The following KBTBD7 variants were observed in gnomAD, a reference collection of about 807,000 sequenced individuals.
KBTBD7 encodes the protein kelch repeat and BTB domain-containing protein 7.
In KBTBD7, 25 loss-of-function variants were observed where a neutral mutation model predicts 50.3. The ratio of observed to expected loss-of-function variants is 0.50; its 90% CI spans 0.36 to 0.69. KBTBD7 has a LOEUF of 0.69. KBTBD7 is among the 30% of genes least tolerant of loss of function. The probability of loss-of-function intolerance (pLI) is 0.00; values close to 1 mark genes in which losing one functional copy is unlikely to be tolerated. For synonymous variants in KBTBD7, 305 were observed against 325.3 expected (o/e 0.94, Z 0.67); for missense variants, 653 against 869.5 (o/e 0.75, Z 3.13).
At position 41,193,838 on chromosome 13, in the gene KBTBD7, A is replaced by G. The variant is rs776488778; in HGVS notation, c.420T>C (p.Asn140=). ...CGGAGGCCGCGTACAGGCGCTGCAC[A>G]TTGGCCTCACTGAGAGACACACGAC... is the stretch of plus-strand genomic sequence containing the variant. ...YTGRVSLSEA[N]VQRLYAASDM... is the part of the protein sequence containing the mutation. Residue 140 remains asparagine (N), a synonymous_variant, in exon 1 of 1, where the codon AAT becomes AAC. Transcript: ENST00000379483. The surrounding 1 kb of genome is among the most constrained non-coding windows in gnomAD (Gnocchi z 5.7). 1.0e-4 allele frequency: 165 copies of G among 1,613,974 alleles called. No individual in the cohort carries two copies. Among genetic ancestry groups the G allele is most frequent in the Admixed American group, 2.8e-4 (17 of 60,012 alleles).
rs199688146 is a variant in KBTBD7, at chr13:41,191,556, T to TTC, written c.*646_*647insGA. ...ACAGTGGAATCCTGATTTTTTCTTTTTTTTTTTTTTTTTTTTTACTTTCTG... is the reference window on the plus strand; with the variant it reads ...ACAGTGGAATCCTGATTTTTTCTTTTTCTTTTTTTTTTTTTTTTTACTTTCTG... On this transcript the variant is annotated 3_prime_UTR_variant, in exon 1 of 1. Coordinates refer to ENST00000379483, the MANE Select transcript of KBTBD7 (RefSeq NM_032138.7). 5.4e-3 allele frequency: 788 copies of TTC among 147,072 alleles called. 3 individuals are homozygous for TTC. Among genetic ancestry groups the TTC allele is most frequent in the African/African-American group, 0.019 (756 of 39,842 alleles). 9.1% of individuals were successfully genotyped at this position (147,072 alleles called of 1,614,324 possible). A position where few individuals can be genotyped will look rare whatever the true frequency, so the allele number is the denominator to read the frequency against.
rs1272248871 is a variant in KBTBD7 at position 41,193,353 on chromosome 13, C to T, written c.905G>A (p.Arg302His). 1 of 1,611,564 alleles carries T rather than the reference C, an allele frequency of 6.2e-7. No homozygotes were observed. Among genetic ancestry groups the T allele is most frequent in the South Asian group, 1.1e-5 (1 of 91,022 alleles). Residue 302 changes from arginine (R) to histidine (H), a missense_variant, in exon 1 of 1, where the codon CGC becomes CAC. Coordinates refer to ENST00000379483, the MANE Select transcript of KBTBD7 (RefSeq NM_032138.7). This position sits in a 1 kb window ranked among gnomAD's most constrained non-coding sequence, Gnocchi z 5.7. ...LDVIEGALQM[R>H]YGDLLYKSLV... ...AGACTTGTACAACAGGTCACCATAG[C>T]GCATCTGCAGGGCCCCTTCAATAAC...
rs1360533170 is a variant in KBTBD7 at position 41,191,727 on chromosome 13, A to AGT, written c.*474_*475dup. On this transcript the variant is annotated 3_prime_UTR_variant, in exon 1 of 1. Transcript: ENST00000379483. ...TAACTTAGAATATAAAGAACTGACT[A>AGT]GTGTAAAATTTTGAAAATCTACCAC... 6.6e-6 allele frequency: 1 copy of AGT among 152,380 alleles called. No homozygotes were observed. Among genetic ancestry groups the AGT allele is most frequent in the Non-Finnish European group, 1.5e-5 (1 of 68,276 alleles). The allele number at this position is 152,380 out of a possible 1,614,324, so 9.4% of individuals were successfully genotyped here.
In KBTBD7 at chr13:41,194,230, A is replaced by G; in HGVS notation, c.28T>C (p.Ser10Pro). The change falls in exon 1 of 1, where the codon TCT (serine) becomes CCT (proline). Residue 10 changes from serine (S) to proline (P), a missense_variant. Physicochemically the swap from Ser to Pro is moderately conservative, Grantham distance 74. Coordinates refer to ENST00000379483, the MANE Select transcript of KBTBD7 (RefSeq NM_032138.7). MQSREDVPRSRRLASPRGGR... is the reference protein window; with the variant it reads MQSREDVPRPRRLASPRGGR... ...CCACGGGGACTGGCGAGGCGGCGAG[A>G]GCGCGGGACGTCTTCCCGGGACTGC... 1 of 1,614,046 alleles carries G rather than the reference A, an allele frequency of 6.2e-7. No individual in the cohort carries two copies. Among genetic ancestry groups the G allele is most frequent in the Non-Finnish European group, 8.5e-7 (1 of 1,180,004 alleles).
At position 41,192,044 on chromosome 13, in the gene KBTBD7, G is replaced by A. The variant is rs2031401418; in HGVS notation, c.*159C>T. On this transcript the variant is annotated 3_prime_UTR_variant, in exon 1 of 1. Coordinates refer to ENST00000379483, the MANE Select transcript of KBTBD7 (RefSeq NM_032138.7). ...AGGATGGTAAATTATTAAACAGGTC[G>A]ATTTCATGGACTGTCTAAACCTTGT... 8.4e-6 allele frequency: 5 copies of A among 591,792 alleles called. No homozygotes were observed. The highest frequency in any genetic ancestry group is 4.2e-4 in the Middle Eastern group (1 of 2,374). 36.7% of individuals were successfully genotyped at this position (591,792 alleles called of 1,614,324 possible). A position where few individuals can be genotyped will look rare whatever the true frequency, so the allele number is the denominator to read the frequency against.
chr13:41,194,006 G>T lies in KBTBD7; in HGVS notation c.252C>A (p.Cys84Ter), dbSNP rs1162385525. ...ACGCAGCTGCTAGCACGTTGCGATT[G>T]CAGGAAAAGAGGCGACCCGTGCCAG... ...SGPGTGRLFSCNRNVLAAACP... is the reference protein window; with the variant it reads ...SGPGTGRLFS Residue 84 changes from cysteine to a stop codon, truncating the protein, a stop_gained, in exon 1 of 1, where the codon TGC becomes TGA. Coordinates refer to ENST00000379483, the MANE Select transcript of KBTBD7 (RefSeq NM_032138.7). LOFTEE classifies it high-confidence loss of function. 1 of 1,614,102 alleles carries T rather than the reference G, an allele frequency of 6.2e-7. No individual in the cohort carries two copies. The highest frequency in any genetic ancestry group is 8.5e-7 in the Non-Finnish European group (1 of 1,180,060).
chr13:41,194,409 G>T lies in KBTBD7; in HGVS notation c.-152C>A. The T allele has an allele frequency of 9.8e-7, 1 of 1,015,406 alleles. No individual in the cohort carries two copies. 62.9% of individuals were successfully genotyped at this position (1,015,406 alleles called of 1,614,324 possible). ...CTTCTGAATTCAGCCCTATCCCGCG[G>T]TGAGGCCTCCCTTTATTGCATAGAC... On this transcript the variant is annotated 5_prime_UTR_variant, in exon 1 of 1. Transcript: ENST00000379483.
At position 41,194,358 on chromosome 13, in the gene KBTBD7, T is replaced by A. The variant is rs1043859090; in HGVS notation, c.-101A>T. On this transcript the variant is annotated 5_prime_UTR_variant, in exon 1 of 1. Transcript: ENST00000379483. Reference sequence around the variant, plus strand: ...GCTGACGCTAAGACAAGCCGCGTCCTGGAACAGACTGCGGCACGGGCCGCA... The same window carrying A: ...GCTGACGCTAAGACAAGCCGCGTCCAGGAACAGACTGCGGCACGGGCCGCA... The A allele has an allele frequency of 6.9e-7, 1 of 1,454,138 alleles. No homozygotes were observed. Among genetic ancestry groups the A allele is most frequent in the African/African-American group, 1.4e-5 (1 of 70,274 alleles). 90.1% of individuals were successfully genotyped at this position (1,454,138 alleles called of 1,614,324 possible). A position where few individuals can be genotyped will look rare whatever the true frequency, so the allele number is the denominator to read the frequency against.
chr13:41,193,555 T>G lies in KBTBD7; in HGVS notation c.703A>C (p.Ser235Arg). The change falls in exon 1 of 1, where the codon AGT becomes CGT. Residue 235 changes from serine to arginine, a missense_variant. Ser to Arg is a moderately radical substitution (Grantham distance 110). This residue lies in a region of KBTBD7 where 526 missense variants were observed against 717.1 expected (regional missense o/e 0.73). Coordinates refer to ENST00000379483, the MANE Select transcript of KBTBD7 (RefSeq NM_032138.7). The surrounding 1 kb of genome is among the most constrained non-coding windows in gnomAD (Gnocchi z 5.7). ...VLRLDSLDIE[S>R]ERTVCHVAVQ... ...GCTACATGGCATACAGTCCGCTCAC[T>G]CTCTATGTCCAGACTATCCAGGCGT... 1.2e-6 allele frequency: 2 copies of G among 1,614,140 alleles called. No homozygotes were observed. The highest frequency in any genetic ancestry group is 1.7e-6 in the Non-Finnish European group (2 of 1,180,038).
chr13:41,194,444 C>T lies in KBTBD7; in HGVS notation c.-187G>A, dbSNP rs796731318. 21 of 716,304 alleles carry T rather than the reference C, an allele frequency of 2.9e-5. No homozygotes were observed. In the East Asian group the frequency reaches 3.0e-4, roughly 10 times the overall value. 44.4% of individuals were successfully genotyped at this position (716,304 alleles called of 1,614,324 possible). On this transcript the variant is annotated 5_prime_UTR_variant, in exon 1 of 1. Coordinates refer to ENST00000379483, the MANE Select transcript of KBTBD7 (RefSeq NM_032138.7). ...CCTTTATTGCATAGACAGTGGCTGA[C>T]TCACCCTCTCTCACTCCCGCGCCCT...
Position 41,192,714 on chromosome 13 carries a change from A to G in KBTBD7, c.1544T>C (p.Phe515Ser). ...LNCASLKRSD[F>S]QEACVFNDEI... Reference sequence around the variant, plus strand: ...ATCATTGAAGACACATGCTTCCTGAAAGTCACTACGTTTAAGAGAAGCACA... The same window carrying G: ...ATCATTGAAGACACATGCTTCCTGAGAGTCACTACGTTTAAGAGAAGCACA... Residue 515 changes from phenylalanine to serine, a missense_variant, in exon 1 of 1, where the codon TTT becomes TCT. This residue lies in a region of KBTBD7 where 526 missense variants were observed against 717.1 expected (regional missense o/e 0.73). Coordinates refer to ENST00000379483, the MANE Select transcript of KBTBD7 (RefSeq NM_032138.7). 1 of 1,614,190 alleles carries G rather than the reference A, an allele frequency of 6.2e-7. No homozygotes were observed. Among genetic ancestry groups the G allele is most frequent in the Non-Finnish European group, 8.5e-7 (1 of 1,180,028 alleles).
chr13:41,190,151 A>G lies in KBTBD7; in HGVS notation c.*2052T>C, dbSNP rs2054453326. 1 of 152,206 alleles carries G rather than the reference A, an allele frequency of 6.6e-6. No homozygotes were observed. The highest frequency in any genetic ancestry group is 6.5e-5 in the Admixed American group (1 of 15,288). 9.4% of individuals were successfully genotyped at this position (152,206 alleles called of 1,614,324 possible). ...AATTTTTACAAAACAAAAAGCTACC[A>G]ACAAGAAGTTAATGGTGAAGAAAAA... On this transcript the variant is annotated 3_prime_UTR_variant, in exon 1 of 1. Transcript: ENST00000379483.
Position 41,194,513 on chromosome 13 carries a change from C to A in KBTBD7, c.-256G>T. 1.8e-6 allele frequency: 1 copy of A among 543,180 alleles called. No homozygotes were observed. Among genetic ancestry groups the A allele is most frequent in the African/African-American group, 1.9e-5 (1 of 52,768 alleles). 33.6% of individuals were successfully genotyped at this position (543,180 alleles called of 1,614,324 possible). A position where few individuals can be genotyped will look rare whatever the true frequency, so the allele number is the denominator to read the frequency against. On this transcript the variant is annotated 5_prime_UTR_variant, in exon 1 of 1. Coordinates refer to ENST00000379483, the MANE Select transcript of KBTBD7 (RefSeq NM_032138.7). ...CCTCACAGGACCCGCTGGCTTGCAG[C>A]CGCGGAAGCCCCCACTGCCGCGCTG...
In KBTBD7 at chr13:41,190,953, C is replaced by G. The variant is rs1167031610; in HGVS notation, c.*1250G>C. On this transcript the variant is annotated 3_prime_UTR_variant, in exon 1 of 1. Transcript: ENST00000379483. ...ATGTCAACTTTTAATACAAAAATAC[C>G]TTCAAGCTGATAATTAAGAACATTC... The G allele has an allele frequency of 6.6e-6, 1 of 152,096 alleles. No individual in the cohort carries two copies. Among genetic ancestry groups the G allele is most frequent in the Non-Finnish European group, 1.5e-5 (1 of 67,980 alleles). 9.4% of individuals were successfully genotyped at this position (152,096 alleles called of 1,614,324 possible).
rs2031346972 is a variant in KBTBD7, at chr13:41,189,952, A to G, written c.*2251T>C. 1 of 152,232 alleles carries G rather than the reference A, an allele frequency of 6.6e-6. No homozygotes were observed. Among genetic ancestry groups the G allele is most frequent in the Non-Finnish European group, 1.5e-5 (1 of 68,024 alleles). 9.4% of individuals were successfully genotyped at this position (152,232 alleles called of 1,614,324 possible). A position where few individuals can be genotyped will look rare whatever the true frequency, so the allele number is the denominator to read the frequency against. On this transcript the variant is annotated 3_prime_UTR_variant, in exon 1 of 1. Transcript: ENST00000379483. ...GATCACAAAACCAAGATCCTTCCCA[A>G]GAAAACCTTACTGTAAACCAAGACA...
rs1465140254 is a variant in KBTBD7, at chr13:41,193,130, A to T, written c.1128T>A (p.Phe376Leu). ...AGGAGGTGACAGTCTTAGTGTGAGC[A>T]AAGCTGGTCAAAGGGGATGGCATTG... ...IYTMPSPLTSFAHTKTVTSSA... is the reference protein window; with the variant it reads ...IYTMPSPLTSLAHTKTVTSSA... The change falls in exon 1 of 1, where the codon TTT (phenylalanine) becomes TTA (leucine). Residue 376 changes from phenylalanine to leucine, a missense_variant. Phe to Leu is a conservative substitution (Grantham distance 22). Transcript: ENST00000379483. The surrounding 1 kb of genome is among the most constrained non-coding windows in gnomAD (Gnocchi z 5.7). The T allele has an allele frequency of 9.3e-6, 15 of 1,614,114 alleles. No individual in the cohort carries two copies. Among genetic ancestry groups the T allele is most frequent in the Non-Finnish European group, 1.3e-5 (15 of 1,180,050 alleles).
At position 41,192,596 on chromosome 13, in the gene KBTBD7, T is replaced by C. The variant is rs2031420252; in HGVS notation, c.1662A>G (p.Ser554=). ...TGACAATCTGGTAGTTGTGGGTCTCTGAATCCAAAGGAATATTACTAATCC... is the reference window on the plus strand; with the variant it reads ...TGACAATCTGGTAGTTGTGGGTCTCCGAATCCAAAGGAATATTACTAATCC... ...WRRISNIPLD[S]ETHNYQIVNH... is the part of the protein sequence containing the mutation. Residue 554 remains serine, a synonymous_variant, in exon 1 of 1, where the codon TCA becomes TCG. Coordinates refer to ENST00000379483, the MANE Select transcript of KBTBD7 (RefSeq NM_032138.7). 6.2e-7 allele frequency: 1 copy of C among 1,614,122 alleles called. No individual in the cohort carries two copies. Among genetic ancestry groups the C allele is most frequent in the Admixed American group, 1.7e-5 (1 of 60,006 alleles).
chr13:41,192,495 T>C lies in KBTBD7; in HGVS notation c.1763A>G (p.Tyr588Cys), dbSNP rs566479998. Reference sequence around the variant, plus strand: ...AATCCACTGATCTTCCCTAGTATCATACTCATACACTGTCACTCGGTTCTT... The same window carrying C: ...AATCCACTGATCTTCCCTAGTATCACACTCATACACTGTCACTCGGTTCTT... ...WKKNRVTVYE[Y>C]DTREDQWINI... Residue 588 changes from tyrosine to cysteine, a missense_variant, in exon 1 of 1, where the codon TAT (tyrosine) becomes TGT (cysteine). Transcript: ENST00000379483. 1.9e-6 allele frequency: 3 copies of C among 1,614,252 alleles called. No individual in the cohort carries two copies. Among genetic ancestry groups the C allele is most frequent in the Admixed American group, 3.3e-5 (2 of 60,036 alleles).
At position 41,193,330 on chromosome 13, in the gene KBTBD7, A is replaced by G; in HGVS notation, c.928T>C (p.Ser310Pro). ...CTGCTGTTTGGCACTGGCACCAGAG[A>G]CTTGTACAACAGGTCACCATAGCGC... ...QMRYGDLLYKSLVPVPNSSSS... is the reference protein window; with the variant it reads ...QMRYGDLLYKPLVPVPNSSSS... The change falls in exon 1 of 1, where the codon TCT becomes CCT. Residue 310 changes from serine (S) to proline (P), a missense_variant. By Grantham distance (74) the Ser-to-Pro change is moderately conservative (BLOSUM62 -1). Coordinates refer to ENST00000379483, the MANE Select transcript of KBTBD7 (RefSeq NM_032138.7). The surrounding 1 kb of genome is among the most constrained non-coding windows in gnomAD (Gnocchi z 5.7). 6.2e-7 allele frequency: 1 copy of G among 1,611,438 alleles called. No individual in the cohort carries two copies. Among genetic ancestry groups the G allele is most frequent in the Non-Finnish European group, 8.5e-7 (1 of 1,177,964 alleles).
Sources: gnomAD v4.1 joint callset for allele counts on GRCh38, gnomAD v4.1.1 for gene constraint, gnomAD v4.1.1 regional missense constraint, Gnocchi (gnomAD v3.1) non-coding constraint, MANE v1.5 for transcripts, NCBI Gene and HGNC (gene_info 2026-07-23, HGNC 2026-07-21) for gene names.